The following PCNX4 variants were observed in gnomAD, a reference collection of about 807,000 sequenced individuals.
PCNX4 encodes pecanex 4.
A neutral mutation model predicts 107.2 loss-of-function variants in PCNX4; 103 were observed. That is an observed-to-expected ratio of 0.96 (90% CI 0.82 to 1.13). The LOEUF is 1.13. Among genes scored for constraint, PCNX4 ranks in the 50% most tolerant of loss-of-function variants. The probability of loss-of-function intolerance (pLI) is 0.00; values close to 1 mark genes in which losing one functional copy is unlikely to be tolerated. For synonymous variants in PCNX4, 541 were observed against 481.7 expected, an observed-to-expected ratio of 1.12 and a Z score of -1.61; for missense variants, 1,528 against 1,379.4, an observed-to-expected ratio of 1.11 and a Z score of -1.71.
In PCNX4 at chr14:60,140,379, AAAC is replaced by A. The variant is rs1302779095; in HGVS notation, c.*6164_*6166del. 3 of 152,232 alleles carry A rather than the reference AAAC, an allele frequency of 2.0e-5. No individual in the cohort carries two copies. Among genetic ancestry groups the A allele is most frequent in the Admixed American group, 6.5e-5 (1 of 15,270 alleles). 9.4% of individuals were successfully genotyped at this position (152,232 alleles called of 1,614,324 possible). Reference sequence around the variant, plus strand: ...TTACTTTATTTGCTTTTCCATAGTGAAACAACAAGCCTAGATGGATTGATTCGT... The same window carrying A: ...TTACTTTATTTGCTTTTCCATAGTGAAACAAGCCTAGATGGATTGATTCGT... On this transcript the variant is annotated 3_prime_UTR_variant, in exon 11 of 11. Transcript: ENST00000406854. The surrounding 1 kb of genome is among the most constrained non-coding windows in gnomAD (Gnocchi z 4.2).
intron 10 of PCNX4, among the ~76,000 whole-genome samples, chr14:60,129,077 G>A (rs1020074641): frequency 2.6e-5 from 4 of 151,980 alleles, no homozygotes; most frequent in Non-Finnish European, 4.4e-5. Context: ...TTAGCTGGGT[G>A]TGGTGGTGGG....
chr14:60,143,615 C>G lies in PCNX4; in HGVS notation c.*9394C>G, dbSNP rs922555742. 2.6e-5 allele frequency: 4 copies of G among 152,198 alleles called. No individual in the cohort carries two copies. The highest frequency in any genetic ancestry group is 4.4e-5 in the Non-Finnish European group (3 of 68,040). 9.4% of individuals were successfully genotyped at this position (152,198 alleles called of 1,614,324 possible). ...TATTTCTTCACTTATGACTATGCCT[C>G]TAGTACATATCCATGTTGTTATGTA... On this transcript the variant is annotated 3_prime_UTR_variant, in exon 11 of 11. Coordinates refer to ENST00000406854, the MANE Select transcript of PCNX4 (RefSeq NM_001330177.2).
intron 7 of PCNX4, 136 bp downstream of exon 7, chr14:60,118,828 A>G (rs1895902414): frequency 2.1e-6 from 2 of 956,350 alleles, no homozygotes; most frequent in Non-Finnish European, 2.8e-6. Flanking sequence ...GTAGGCAGAA[A>G]GACTAAATAT....
At chr14:60,094,937 T>G (rs966016232) in intron 1 of PCNX4, among the ~76,000 whole-genome samples, 2 of 152,204 alleles carry the variant, frequency 1.3e-5, no homozygotes, top group Non-Finnish European at 2.9e-5. Flanking sequence ...AATTTATTTC[T>G]AGTAATTCAT....
chr14:60,125,612 T>C (rs1896039682), intron 9 of PCNX4, 25 bp from the exon 10 acceptor site: 2 of 1,409,776 alleles, frequency 1.4e-6, no homozygotes, highest in Non-Finnish European at 1.9e-6. Flanking sequence ...TATTCTAAAA[T>C]TCTTCGGTTC....
intron 1 of PCNX4, 121 bp from the exon 2 acceptor site, chr14:60,107,465 G>T: frequency 1.6e-6 from 1 of 618,326 alleles, no homozygotes; most frequent in South Asian, 2.2e-5. Context: ...GGTCTGAGAA[G>T]TACAGTTATA....
Position 60,102,979 on chromosome 14 carries a change from G to A in PCNX4, c.-53-4607G>A, listed in dbSNP as rs527312862. Among the ~76,000 whole-genome samples the A allele has an allele frequency of 3.9e-5, 6 of 152,288 alleles. No homozygotes were observed. The South Asian group carries it at 1.2e-3, about 32-fold the overall frequency. ...GTAATTTAAATGTCAAAGGTTACCA[G>A]TGAATCGTAATTGTCTTTATACTTC... On this transcript the variant is annotated intron_variant, in intron 1 of 10. Coordinates refer to ENST00000406854, the MANE Select transcript of PCNX4 (RefSeq NM_001330177.2).
Position 60,138,472 on chromosome 14 carries a change from A to G in PCNX4, c.*4251A>G, listed in dbSNP as rs1943717029. 1 of 152,238 alleles carries G rather than the reference A, an allele frequency of 6.6e-6. No homozygotes were observed. Among genetic ancestry groups the G allele is most frequent in the African/African-American group, 2.4e-5 (1 of 41,464 alleles). 9.4% of individuals were successfully genotyped at this position (152,238 alleles called of 1,614,324 possible). A position where few individuals can be genotyped will look rare whatever the true frequency, so the allele number is the denominator to read the frequency against. ...CAAAAAGAAAATCATTAAAGGAGCC[A>G]GACAATGATAAAAGACATTACTTTT... On this transcript the variant is annotated 3_prime_UTR_variant, in exon 11 of 11. Transcript: ENST00000406854.
At chr14:60,113,837 T>A (rs927969613) in intron 2 of PCNX4, among the ~76,000 whole-genome samples, 2 of 152,242 alleles carry the variant, frequency 1.3e-5, no homozygotes, top group African/African-American at 4.8e-5. Context: ...GCATTATTTT[T>A]AAAAATTTAG....
intron 8 of PCNX4, among the ~76,000 whole-genome samples, chr14:60,122,833 T>C (rs1895980491): frequency 6.6e-6 from 1 of 152,160 alleles, no homozygotes; most frequent in African/African-American, 2.4e-5. Context: ...AGTAAGTGAA[T>C]TTTTTGTACT....
chr14:60,105,561 CAGT>C (rs1254867582), intron 1 of PCNX4, among the ~76,000 whole-genome samples: 2 of 152,064 alleles, frequency 1.3e-5, no homozygotes, highest in Non-Finnish European at 2.9e-5. Context: ...CAAATGGAAT[CAGT>C]AGGGTGTTTA....
intron 1 of PCNX4, among the ~76,000 whole-genome samples, chr14:60,103,384 T>C (rs1895569382): frequency 6.6e-6 from 1 of 152,236 alleles, no homozygotes; most frequent in South Asian, 2.1e-4. Context: ...TCAAAGGCTT[T>C]AGTCTGCTGA....
intron 1 of PCNX4, among the ~76,000 whole-genome samples, chr14:60,102,331 C>A (rs111628451): frequency 1.2e-5 from 1 of 81,848 alleles, no homozygotes; most frequent in African/African-American, 3.4e-5. Flanking sequence ...AAAAAAACTT[C>A]AATCACTACA....
At chr14:60,125,500 A>T in intron 9 of PCNX4, 137 bp from the exon 10 acceptor site, 2 of 781,890 alleles carry the variant, frequency 2.6e-6, no homozygotes, top group Non-Finnish European at 3.7e-6. Flanking sequence ...TAACTGCATC[A>T]TTTCTTCCTC....
intron 1 of PCNX4, among the ~76,000 whole-genome samples, chr14:60,096,006 A>G (rs1895417035): frequency 1.3e-5 from 2 of 152,168 alleles, no homozygotes; most frequent in Admixed American, 1.3e-4. Context: ...GCACATAACC[A>G]TAACAACACT....
At position 60,093,055 on chromosome 14, in the gene PCNX4, C is replaced by T. The variant is rs1022060245; in HGVS notation, c.-54+636C>T. ...ATCCACCGCCACTCACGCCAAATCC[C>T]CAGACCTTTAGCATAGCATCCAGTT... On this transcript the variant is annotated intron_variant, in intron 1 of 10. Transcript: ENST00000406854. 8.5e-5 allele frequency among the ~76,000 whole-genome samples: 13 copies of T among 152,208 alleles called. 1 individual carries two copies. The highest frequency in any genetic ancestry group is 1.8e-4 in the Non-Finnish European group (12 of 68,030).
chr14:60,107,650 T>A lies in PCNX4; in HGVS notation c.12T>A (p.Asp4Glu). 6.2e-7 allele frequency: 1 copy of A among 1,612,200 alleles called. No homozygotes were observed. The highest frequency in any genetic ancestry group is 8.5e-7 in the Non-Finnish European group (1 of 1,179,488). ...AATCCCGAGTGAGGATGAGTCCAGA[T>A]GTGCCTCTACTGAATGATTACAAGC... MSP[D>E]VPLLNDYKQD... The change falls in exon 2 of 11, where the codon GAT (aspartate) becomes GAA (glutamate). Residue 4 changes from aspartate to glutamate, a missense_variant. Asp to Glu is a conservative substitution (Grantham distance 45). Coordinates refer to ENST00000406854, the MANE Select transcript of PCNX4 (RefSeq NM_001330177.2).
chr14:60,105,010 GT>G (rs948945500), intron 1 of PCNX4, among the ~76,000 whole-genome samples: 4 of 151,928 alleles, frequency 2.6e-5, no homozygotes, highest in Admixed American at 1.3e-4. Flanking sequence ...TTGGATTTGG[GT>G]TTTTTTTCCC....
rs1394489831 is a variant in PCNX4, at chr14:60,136,332, A to C, written c.*2111A>C. ...TGACCTCTAAATTTTAGAATTTCTC[A>C]ACAATTGATTCTAGGCCCCCCTTTG... is the stretch of plus-strand genomic sequence containing the variant. On this transcript the variant is annotated 3_prime_UTR_variant, in exon 11 of 11. Coordinates refer to ENST00000406854, the MANE Select transcript of PCNX4 (RefSeq NM_001330177.2). 6.6e-6 allele frequency: 1 copy of C among 152,102 alleles called. No homozygotes were observed. 9.4% of individuals were successfully genotyped at this position (152,102 alleles called of 1,614,324 possible). A position where few individuals can be genotyped will look rare whatever the true frequency, so the allele number is the denominator to read the frequency against.
Sources: gnomAD v4.1 joint callset for allele counts (sites outside exome capture counted in the v4.1 genomes callset) on GRCh38, gnomAD v4.1.1 for gene constraint, Gnocchi (gnomAD v3.1) non-coding constraint, MANE v1.5 for transcripts, NCBI Gene and HGNC (gene_info 2026-07-23, HGNC 2026-07-21) for gene names.